FAM177A1: variants seen among roughly 807,000 people sequenced by gnomAD.
The protein encoded by FAM177A1 is family with sequence similarity 177 member A1.
In FAM177A1, 22 loss-of-function variants were observed where a neutral mutation model predicts 26.1. That is an observed-to-expected ratio of 0.84 (90% confidence interval 0.60 to 1.20). The LOEUF is 1.20. FAM177A1 is among the 50% of genes most tolerant of loss of function. The pLI is 0.00. For synonymous variants in FAM177A1, 95 were observed against 99.3 expected (o/e 0.96, Z 0.26); for missense variants, 296 against 291.1 (o/e 1.02, Z -0.12).
chr14:35,069,813 A>G (rs1435240659), intron 2 of FAM177A1, among the ~76,000 whole-genome samples: 1 of 152,000 alleles, frequency 6.6e-6, no homozygotes, highest in Non-Finnish European at 1.5e-5. Flanking sequence ...TGATACTAAT[A>G]GAGCATAAGA....
intron 1 of FAM177A1, among the ~76,000 whole-genome samples, chr14:35,051,329 G>A (rs1434439064): frequency 6.6e-6 from 1 of 151,674 alleles, no homozygotes; most frequent in East Asian, 1.9e-4. Flanking sequence ...CATGTTGGCC[G>A]GGCTGGTCTC....
intron 2 of FAM177A1, among the ~76,000 whole-genome samples, chr14:35,055,792 C>T (rs1030119001): frequency 6.6e-6 from 1 of 152,102 alleles, no homozygotes; most frequent in South Asian, 2.1e-4. Context: ...AAATTCCTAC[C>T]AGCAGTGTGT....
intron 1 of FAM177A1, among the ~76,000 whole-genome samples, chr14:35,048,033 CAAAA>C (rs761923285): frequency 1.3e-5 from 2 of 152,142 alleles, no homozygotes; most frequent in East Asian, 3.9e-4. Flanking sequence ...ACCCCAAAAA[CAAAA>C]AACACAACTT....
intron 2 of FAM177A1, among the ~76,000 whole-genome samples, chr14:35,054,128 TGGC>T: frequency 6.6e-6 from 1 of 152,124 alleles, no homozygotes; most frequent in Non-Finnish European, 1.5e-5. Context: ...AACAGGAGAA[TGGC>T]ATGAACCCGG....
chr14:35,046,631 A>G lies in FAM177A1; in HGVS notation c.165+3A>G, dbSNP rs2044869719. The G allele has an allele frequency of 6.5e-7, 1 of 1,530,806 alleles. No homozygotes were observed. The highest frequency in any genetic ancestry group is 2.5e-5 in the East Asian group (1 of 39,314). The allele number at this position is 1,530,806 out of a possible 1,614,324, so 94.8% of individuals were successfully genotyped here. ...CATTCGGGGAATCTGCAGGGCAGGT[A>G]GGTGGGGCCGCCGAGGCTGACGTCC... On this transcript the variant is annotated splice_donor_region_variant and intron_variant, in intron 1 of 4. Transcript: ENST00000280987.
At chr14:35,078,858 C>A (rs1293065319) in intron 3 of FAM177A1, 69 bp from the exon 4 acceptor site, 4 of 1,100,146 alleles carry the variant, frequency 3.6e-6, no homozygotes, top group African/African-American at 1.7e-5. Flanking sequence ...CCTACAGTGT[C>A]TTACACATAG....
chr14:35,075,029 T>A (rs965989454), intron 2 of FAM177A1, among the ~76,000 whole-genome samples: 1 of 152,144 alleles, frequency 6.6e-6, no homozygotes, highest in African/African-American at 2.4e-5. Flanking sequence ...AGAGTGAGAC[T>A]CTGTCTTAAA....
At chr14:35,049,187 C>T (rs8021263) in intron 1 of FAM177A1, among the ~76,000 whole-genome samples, 12,236 of 152,104 alleles carry the variant, frequency 0.08, 556 homozygotes, top group Non-Finnish European at 0.11. Flanking sequence ...CCACCGCACC[C>T]GGCCTCCTGT....
intron 1 of FAM177A1, among the ~76,000 whole-genome samples, chr14:35,047,460 A>G (rs1370360268): frequency 1.3e-5 from 2 of 152,144 alleles, no homozygotes; most frequent in African/African-American, 4.8e-5. Flanking sequence ...TGGTTTAGAG[A>G]GTTAACGTTT....
At chr14:35,070,365 TGTC>T (rs2045303613) in intron 2 of FAM177A1, among the ~76,000 whole-genome samples, 1 of 151,606 alleles carries the variant, frequency 6.6e-6, no homozygotes, top group Non-Finnish European at 1.5e-5. Context: ...AGTCTCGCTC[TGTC>T]GTCCAGGCTG....
intron 3 of FAM177A1, among the ~76,000 whole-genome samples, chr14:35,078,693 C>T (rs996415496): frequency 3.9e-5 from 6 of 152,092 alleles, no homozygotes. Context: ...AACAGATACA[C>T]CTAGTGATAA....
intron 2 of FAM177A1, among the ~76,000 whole-genome samples, chr14:35,072,730 C>T (rs2045341238): frequency 6.6e-6 from 1 of 152,148 alleles, no homozygotes; most frequent in Non-Finnish European, 1.5e-5. Context: ...TCTTCATTAT[C>T]TGGCAGTGGT....
intron 2 of FAM177A1, among the ~76,000 whole-genome samples, chr14:35,067,776 T>A (rs1000173638): frequency 6.6e-6 from 1 of 152,224 alleles, no homozygotes; most frequent in Non-Finnish European, 1.5e-5. Context: ...CCTTAATGAT[T>A]AGTGATGTTG....
chr14:35,046,135 A>C (rs989032546), upstream of FAM177A1: 5 of 207,666 alleles, frequency 2.4e-5, no homozygotes, highest in African/African-American at 6.9e-5. Context: ...CTTCAGGTAC[A>C]CGTACCAGAA....
In FAM177A1 at chr14:35,046,604, G is replaced by C; in HGVS notation, c.141G>C (p.Ala47=). 1.3e-6 allele frequency: 2 copies of C among 1,550,766 alleles called. No homozygotes were observed. The highest frequency in any genetic ancestry group is 1.7e-6 in the Non-Finnish European group (2 of 1,148,338). The stretch of plus-strand genomic sequence containing the variant: ...CAGCCTCGGGAGCTGCGGCCGCCGC[G>C]GCATTCGGGGAATCTGCAGGGCAGG... ...AVAASGAAAA[A]AFGESAGQMS... is the part of the protein sequence containing the mutation. The change falls in exon 1 of 5, where the codon GCG becomes GCC. Residue 47 remains alanine, a synonymous_variant. Coordinates refer to ENST00000280987, the MANE Select transcript of FAM177A1 (RefSeq NM_173607.5).
In FAM177A1 at chr14:35,046,322, G is replaced by C; in HGVS notation, c.-142G>C. 9.6e-7 allele frequency: 1 copy of C among 1,038,322 alleles called. No individual in the cohort carries two copies. The highest frequency in any genetic ancestry group is 1.3e-6 in the Non-Finnish European group (1 of 767,852). The allele number at this position is 1,038,322 out of a possible 1,614,324, so 64.3% of individuals were successfully genotyped here. ...GTGCGGAGCCCGGCGGGCTAGGCGA[G>C]GCGCGGGCTGGCCCCGCCCCTCAGG... On this transcript the variant is annotated 5_prime_UTR_variant, in exon 1 of 5. Coordinates refer to ENST00000280987, the MANE Select transcript of FAM177A1 (RefSeq NM_173607.5).
chr14:35,058,077 T>C (rs75078504), intron 2 of FAM177A1, among the ~76,000 whole-genome samples: 106 of 151,994 alleles, frequency 7.0e-4, no homozygotes, highest in Non-Finnish European at 1.3e-3. Context: ...TTATTATCAT[T>C]ATTATTATTT....
chr14:35,063,019 G>A (rs1435851408), intron 2 of FAM177A1, among the ~76,000 whole-genome samples: 1 of 149,976 alleles, frequency 6.7e-6, no homozygotes, highest in Non-Finnish European at 1.5e-5. Flanking sequence ...GGTGGACCAC[G>A]CCTGTAATCC....
chr14:35,072,454 G>A (rs1013466232), intron 2 of FAM177A1, among the ~76,000 whole-genome samples: 5 of 152,180 alleles, frequency 3.3e-5, no homozygotes, highest in African/African-American at 1.2e-4. Flanking sequence ...CATGGCAGGA[G>A]GTGGAAGGGG....
Sources: gnomAD v4.1 joint callset for allele counts (sites outside exome capture counted in the v4.1 genomes callset) on GRCh38, gnomAD v4.1.1 for gene constraint, MANE v1.5 for transcripts, NCBI Gene and HGNC (gene_info 2026-07-23, HGNC 2026-07-21) for gene names.